The following PLCL1 variants were observed in gnomAD, a reference collection of about 807,000 sequenced individuals.
The protein encoded by PLCL1 is phospholipase C like 1 (inactive).
Under a neutral mutation model 84.4 loss-of-function variants are expected in PLCL1, and 41 were observed. The ratio of observed to expected loss-of-function variants is 0.49; its 90% CI spans 0.38 to 0.63. PLCL1 has a LOEUF of 0.63. Among genes scored for constraint, PLCL1 ranks in the 30% least tolerant of loss-of-function variants. The pLI is 0.00. For missense variants in PLCL1, 1,206 were observed against 1,367.8 expected, an observed-to-expected ratio of 0.88 and a Z score of 1.87; for synonymous variants, 490 against 488.3, an observed-to-expected ratio of 1.00 and a Z score of -0.05.
chr2:197,987,412 T>C (rs75592421), intron 1 of PLCL1, among the ~76,000 whole-genome samples: 5,538 of 152,286 alleles, frequency 0.036, 346 homozygotes, highest in African/African-American at 0.13. Flanking sequence ...AGTTGTCTCC[T>C]TTGGAGGGGG....
chr2:198,077,195 C>T (rs898842566), intron 1 of PLCL1, among the ~76,000 whole-genome samples: 3 of 152,150 alleles, frequency 2.0e-5, no homozygotes, highest in Non-Finnish European at 4.4e-5. Flanking sequence ...CCTTTACTCT[C>T]AGTCTTGTCA....
intron 1 of PLCL1, among the ~76,000 whole-genome samples, chr2:198,025,169 T>G (rs2196172): frequency 0.48 from 73,261 of 151,972 alleles, 18,031 homozygotes; most frequent in Middle Eastern, 0.63. Flanking sequence ...TTTGGAGTAT[T>G]CATTCCTGTC....
At chr2:197,975,321 G>T (rs1689957230) in intron 1 of PLCL1, among the ~76,000 whole-genome samples, 2 of 152,030 alleles carry the variant, frequency 1.3e-5, no homozygotes, top group Admixed American at 6.6e-5. Flanking sequence ...GAAGCTTAAG[G>T]TGACATGGCT....
intron 1 of PLCL1, among the ~76,000 whole-genome samples, chr2:197,975,711 C>G (rs1459245149): frequency 6.6e-6 from 1 of 152,070 alleles, no homozygotes. Context: ...GAGGCTGAGG[C>G]AGGAGGATTG....
chr2:198,011,162 AGTTT>A (rs1328092501), intron 1 of PLCL1, among the ~76,000 whole-genome samples: 1 of 151,596 alleles, frequency 6.6e-6, no homozygotes, highest in Non-Finnish European at 1.5e-5. Context: ...CTTTGAATTT[AGTTT>A]GTTTTTCTTT....
At chr2:198,102,251 G>A (rs987504993) in intron 4 of PLCL1, among the ~76,000 whole-genome samples, 1 of 152,026 alleles carries the variant, frequency 6.6e-6, no homozygotes, top group Non-Finnish European at 1.5e-5. Flanking sequence ...ACTGCTCTGA[G>A]ATCTTTATAT....
At chr2:197,929,510 A>G (rs374133485) in intron 1 of PLCL1, among the ~76,000 whole-genome samples, 2 of 152,190 alleles carry the variant, frequency 1.3e-5, no homozygotes, top group Non-Finnish European at 2.9e-5. Context: ...TCTGTGACTC[A>G]CAGTGACTTA....
intron 1 of PLCL1, among the ~76,000 whole-genome samples, chr2:197,900,087 C>G (rs1688235339): frequency 6.6e-6 from 1 of 152,216 alleles, no homozygotes; most frequent in Non-Finnish European, 1.5e-5. Flanking sequence ...TAGCACTTAA[C>G]ACCTCCTGAC....
At chr2:198,017,502 G>C (rs1263844190) in intron 1 of PLCL1, among the ~76,000 whole-genome samples, 1 of 152,212 alleles carries the variant, frequency 6.6e-6, no homozygotes, top group South Asian at 2.1e-4. Context: ...CTTATGTAAA[G>C]AATGAAAGGA....
At chr2:197,819,980 C>T (rs959106319) in intron 1 of PLCL1, among the ~76,000 whole-genome samples, 2 of 151,506 alleles carry the variant, frequency 1.3e-5, no homozygotes, top group African/African-American at 4.9e-5. Context: ...GTCTTCCAAA[C>T]CTGCAACCTG....
chr2:198,092,830 C>G (rs1693080649), intron 3 of PLCL1, among the ~76,000 whole-genome samples: 1 of 152,144 alleles, frequency 6.6e-6, no homozygotes, highest in Non-Finnish European at 1.5e-5. Context: ...GAGGTTAGAT[C>G]CTATCTGTAT....
intron 5 of PLCL1, among the ~76,000 whole-genome samples, chr2:198,119,483 C>T (rs973579483): frequency 6.6e-6 from 1 of 151,916 alleles, no homozygotes; most frequent in Non-Finnish European, 1.5e-5. Context: ...AAATATCAGG[C>T]AGTTTTGGGA....
chr2:197,967,289 C>T (rs1290024659), intron 1 of PLCL1, among the ~76,000 whole-genome samples: 1 of 152,144 alleles, frequency 6.6e-6, no homozygotes, highest in African/African-American at 2.4e-5. Flanking sequence ...CTCCGCCTCT[C>T]AGGTTCAAGC....
chr2:197,887,154 A>C (rs1687937821), intron 1 of PLCL1, among the ~76,000 whole-genome samples: 1 of 152,196 alleles, frequency 6.6e-6, no homozygotes, highest in Non-Finnish European at 1.5e-5. Flanking sequence ...ATACCATCTC[A>C]GATCTTTGGG....
At chr2:197,845,460 A>G (rs1168805577) in intron 1 of PLCL1, among the ~76,000 whole-genome samples, 1 of 152,162 alleles carries the variant, frequency 6.6e-6, no homozygotes, top group Non-Finnish European at 1.5e-5. Context: ...ATTGCCATGG[A>G]AAAAGAAGGC....
chr2:197,968,998 C>T (rs971803245), intron 1 of PLCL1, among the ~76,000 whole-genome samples: 1 of 152,188 alleles, frequency 6.6e-6, no homozygotes, highest in Non-Finnish European at 1.5e-5. Context: ...TGAACACTAT[C>T]GCCTGAGCAG....
Position 197,804,964 on chromosome 2 carries a change from G to GCCGC in PLCL1, c.-134_-133insGCCC. On this transcript the variant is annotated 5_prime_UTR_variant, in exon 1 of 6. The change abolishes the stop of an existing upstream ORF in the 5' untranslated region. Coordinates refer to ENST00000428675, the MANE Select transcript of PLCL1 (RefSeq NM_006226.4). ...AGTTGCCGCCGCCGCCGCCGCCGCCGCCACTGCCGCCGCTGGGCGGTGAAA... is the reference window on the plus strand; with the variant it reads ...AGTTGCCGCCGCCGCCGCCGCCGCCGCCGCCCACTGCCGCCGCTGGGCGGTGAAA... 1 of 1,105,248 alleles carries GCCGC rather than the reference G, an allele frequency of 9.0e-7. No individual in the cohort carries two copies. The highest frequency in any genetic ancestry group is 1.7e-5 in the African/African-American group (1 of 59,992). The allele number at this position is 1,105,248 out of a possible 1,614,324, so 68.5% of individuals were successfully genotyped here. A position where few individuals can be genotyped will look rare whatever the true frequency, so the allele number is the denominator to read the frequency against.
At chr2:197,879,548 G>A (rs780614719) in intron 1 of PLCL1, among the ~76,000 whole-genome samples, 6 of 152,098 alleles carry the variant, frequency 3.9e-5, no homozygotes, top group Non-Finnish European at 8.8e-5. Flanking sequence ...TATGGTATAT[G>A]TAGACTTCTA....
At chr2:197,847,230 C>G (rs1274200188) in intron 1 of PLCL1, among the ~76,000 whole-genome samples, 3 of 152,072 alleles carry the variant, frequency 2.0e-5, no homozygotes, top group Non-Finnish European at 4.4e-5. Flanking sequence ...CCTATGCAAC[C>G]TTCAAGTTAG....
Sources: gnomAD v4.1 joint callset for allele counts (sites outside exome capture counted in the v4.1 genomes callset) on GRCh38, gnomAD v4.1.1 for gene constraint, MANE v1.5 for transcripts, NCBI Gene and HGNC (gene_info 2026-07-23, HGNC 2026-07-21) for gene names.